CEP63: variants seen among roughly 807,000 people sequenced by gnomAD.
CEP63 encodes the protein centrosomal protein 63.
CEP63 carries 84 observed loss-of-function variants against 89.1 expected under a neutral mutation model. The observed-to-expected ratio is 0.94, with a 90% CI of 0.79 to 1.13. The LOEUF (loss-of-function observed/expected upper bound fraction) is 1.13, where lower values mean the gene tolerates loss of function less well. CEP63 is among the 50% of genes most tolerant of loss of function. CEP63 has a pLI of 0.00. For synonymous variants in CEP63, 267 were observed against 272.5 expected, an observed-to-expected ratio of 0.98 and a Z score of 0.20; for missense variants, 838 against 813.3, an observed-to-expected ratio of 1.03 and a Z score of -0.37.
At chr3:134,749,807 C>A in the CEP63 span, among the ~76,000 whole-genome samples, 1 of 103,468 alleles carries the variant, frequency 9.7e-6, no homozygotes, top group South Asian at 2.9e-4. Context: ...TGATCATCAT[C>A]TAGAGCCCAG....
the CEP63 span, among the ~76,000 whole-genome samples, chr3:134,641,767 A>T: frequency 6.6e-6 from 1 of 152,086 alleles, no homozygotes; most frequent in Non-Finnish European, 1.5e-5. Flanking sequence ...TTCCTGCTTT[A>T]CTTCCCCCTT....
the CEP63 span, among the ~76,000 whole-genome samples, chr3:134,770,628 A>G: frequency 1.3e-5 from 2 of 152,210 alleles, no homozygotes; most frequent in Non-Finnish European, 2.9e-5. Context: ...GTCAAATACC[A>G]TTCAAAATGC....
intron 3 of CEP63, among the ~76,000 whole-genome samples, chr3:134,510,124 C>T (rs1263888589): frequency 6.6e-6 from 1 of 152,112 alleles, no homozygotes; most frequent in African/African-American, 2.4e-5. Flanking sequence ...TGGAGCATCT[C>T]CTAAAGTTGT....
chr3:134,638,674 A>G, the CEP63 span, among the ~76,000 whole-genome samples: 3 of 152,246 alleles, frequency 2.0e-5, no homozygotes, highest in African/African-American at 7.2e-5. Flanking sequence ...GAAACAGAGC[A>G]TACAGGCAAG....
intron 10 of CEP63, among the ~76,000 whole-genome samples, chr3:134,584,542 A>G (rs549922683): frequency 5.3e-5 from 8 of 152,248 alleles, no homozygotes; most frequent in African/African-American, 1.7e-4. Context: ...TGATCATGGC[A>G]CATAAGCTTT....
At position 134,558,245 on chromosome 3, in the gene CEP63, A is replaced by G; in HGVS notation, c.1571A>G (p.Lys524Arg). The G allele has an allele frequency of 3.7e-6, 6 of 1,613,834 alleles. No homozygotes were observed. The highest frequency in any genetic ancestry group is 1.1e-5 in the South Asian group (1 of 91,076). Residue 524 changes from lysine (K) to arginine (R), a missense_variant, in exon 13 of 15, where the codon AAA becomes AGA. Transcript: ENST00000675561. ...CTACAGAAAGATTTGATGAATACCA[A>G]ATCTCAGCTGGAGATTTCTACTCAG... The part of the protein sequence containing the change: ...QQLQKDLMNT[K>R]SQLEISTQMC...
chr3:134,691,715 T>C, the CEP63 span, among the ~76,000 whole-genome samples: 5 of 152,162 alleles, frequency 3.3e-5, no homozygotes, highest in Non-Finnish European at 7.4e-5. Context: ...CAAACAAAAG[T>C]AAATAGTAAA....
chr3:134,664,688 G>T, the CEP63 span, among the ~76,000 whole-genome samples: 1 of 151,886 alleles, frequency 6.6e-6, no homozygotes, highest in Non-Finnish European at 1.5e-5. Flanking sequence ...GTGTGTGTGT[G>T]TGTTTGTGTG....
At chr3:134,720,508 T>C in the CEP63 span, among the ~76,000 whole-genome samples, 2 of 152,112 alleles carry the variant, frequency 1.3e-5, no homozygotes, top group African/African-American at 4.8e-5. Flanking sequence ...TGCTTGTGCT[T>C]TTGGTGTCAT....
At chr3:134,722,289 TACA>T in the CEP63 span, among the ~76,000 whole-genome samples, 1 of 100,766 alleles carries the variant, frequency 9.9e-6, no homozygotes, top group Non-Finnish European at 2.2e-5. Context: ...ATATATACAG[TACA>T]GTATTCTCCT....
intron 8 of CEP63, among the ~76,000 whole-genome samples, 162 bp from the exon 9 acceptor site, chr3:134,547,173 G>T (rs1222512017): frequency 3.3e-5 from 5 of 152,092 alleles, no homozygotes; most frequent in African/African-American, 1.2e-4. Context: ...AGCATCTCTT[G>T]ACTCTTTCTT....
intron 2 of CEP63, among the ~76,000 whole-genome samples, chr3:134,504,980 C>T (rs1943089253): frequency 6.6e-6 from 1 of 152,090 alleles, no homozygotes; most frequent in African/African-American, 2.4e-5. Context: ...TTAATGATAT[C>T]CATCTCTGTT....
chr3:134,750,341 A>C, the CEP63 span, among the ~76,000 whole-genome samples: 6 of 152,150 alleles, frequency 3.9e-5, no homozygotes, highest in Non-Finnish European at 1.5e-5. Flanking sequence ...ATTCTAAAGG[A>C]GTGGCCCCAT....
the CEP63 span, among the ~76,000 whole-genome samples, chr3:134,724,236 C>G: frequency 3.5e-3 from 526 of 152,348 alleles, 1 homozygote; most frequent in African/African-American, 0.012. Context: ...TTAAATACAA[C>G]TGGAAGACCC....
the CEP63 span, among the ~76,000 whole-genome samples, chr3:134,648,508 C>A: frequency 6.6e-6 from 1 of 152,214 alleles, no homozygotes; most frequent in Non-Finnish European, 1.5e-5. Flanking sequence ...TCCTCTACTG[C>A]TGCAGGAGTA....
At chr3:134,635,852 G>C in the CEP63 span, among the ~76,000 whole-genome samples, 1 of 152,204 alleles carries the variant, frequency 6.6e-6, no homozygotes, top group Non-Finnish European at 1.5e-5. Flanking sequence ...ACTCCTTTAA[G>C]ACTTCATTTC....
chr3:134,628,538 G>A, the CEP63 span, among the ~76,000 whole-genome samples: 5 of 152,256 alleles, frequency 3.3e-5, no homozygotes, highest in Non-Finnish European at 7.4e-5. Flanking sequence ...AACCACACAT[G>A]GGTTATTCTG....
downstream of CEP63, among the ~76,000 whole-genome samples, chr3:134,576,948 ATTAAC>A (rs1442119987): frequency 6.6e-6 from 1 of 152,230 alleles, no homozygotes; most frequent in Non-Finnish European, 1.5e-5. Flanking sequence ...GTTAGCACCA[ATTAAC>A]TTAAAACAAA....
chr3:134,576,187 G>T (rs567072038), downstream of CEP63, among the ~76,000 whole-genome samples: 1 of 152,282 alleles, frequency 6.6e-6, no homozygotes, highest in South Asian at 2.1e-4. Flanking sequence ...CTGGGACATT[G>T]CAAGCCAGCC....
Sources: gnomAD v4.1 joint callset for allele counts (sites outside exome capture counted in the v4.1 genomes callset) on GRCh38, gnomAD v4.1.1 for gene constraint, MANE v1.5 for transcripts, NCBI Gene and HGNC (gene_info 2026-07-23, HGNC 2026-07-21) for gene names.